The following ATP1A1 variants were observed in gnomAD, a reference collection of about 807,000 sequenced individuals.
ATP1A1 encodes sodium/potassium-transporting ATPase subunit alpha-1.
A neutral mutation model predicts 114.8 loss-of-function variants in ATP1A1; 14 were observed. That is an observed-to-expected ratio of 0.12 (90% CI 0.08 to 0.19). The LOEUF (loss-of-function observed/expected upper bound fraction) is 0.19. Among genes scored for constraint, ATP1A1 ranks in the 10% least tolerant of loss-of-function variants. ATP1A1 has a pLI of 1.00. For synonymous variants in ATP1A1, 471 were observed against 466.3 expected (o/e 1.01, Z -0.13); for missense variants, 524 against 1,290.7 (o/e 0.41, Z 9.10).
In ATP1A1 at chr1:116,392,945, C is replaced by T; in HGVS notation, c.1424C>T (p.Ala475Val). 6.2e-7 allele frequency: 1 copy of T among 1,614,016 alleles called. No homozygotes were observed. Among genetic ancestry groups the T allele is most frequent in the Non-Finnish European group, 8.5e-7 (1 of 1,180,004 alleles). The part of the protein sequence containing the change: ...GSVKEMRERY[A>V]KIVEIPFNST... ...GTGAAGGAGATGAGAGAAAGATACG[C>T]CAAAATCGTCGAGATACCCTTCAAC... is the stretch of plus-strand genomic sequence containing the variant. Residue 475 changes from alanine to valine, a missense_variant, in exon 11 of 23, where the codon GCC becomes GTC. Ala to Val is a moderately conservative substitution (Grantham distance 64, BLOSUM62 0). Transcript: ENST00000295598.
In ATP1A1 at chr1:116,385,073, T is replaced by C. The variant is rs1651996057; in HGVS notation, c.183+231T>C. The C allele has an allele frequency of 8.4e-6, 4 of 475,956 alleles. No individual in the cohort carries two copies. The South Asian group carries it at 9.8e-5, about 12-fold the overall frequency. The allele number at this position is 475,956 out of a possible 1,614,324, so 29.5% of individuals were successfully genotyped here. On this transcript the variant is annotated intron_variant, in intron 3 of 22. Coordinates refer to ENST00000295598, the MANE Select transcript of ATP1A1 (RefSeq NM_000701.8). The surrounding 1 kb of genome is among the most constrained non-coding windows in gnomAD (Gnocchi z 4.3). ...TTTCTTTTCCCTATTTTATAGCAGT[T>C]GAGAGCCAGTAAGTGGGAACACCAG...
In ATP1A1 at chr1:116,401,349, CAT is replaced by C. The variant is rs891105632; in HGVS notation, c.2849+93_2849+94del. 88 of 1,583,260 alleles carry C rather than the reference CAT, an allele frequency of 5.6e-5. No homozygotes were observed. The African/African-American group carries it at 1.1e-3, about 20-fold the overall frequency. On this transcript the variant is annotated intron_variant, in intron 20 of 22. Coordinates refer to ENST00000295598, the MANE Select transcript of ATP1A1 (RefSeq NM_000701.8). This position sits in a 1 kb window ranked among gnomAD's most constrained non-coding sequence, Gnocchi z 4.7. ...TTTGCCAAAAACTAAACATATGACA[CAT>C]ATAGCCAGGTTTCTGGAATCTCTAG...
At chr1:116,394,032 A>T (rs1652698273) in intron 12 of ATP1A1, among the ~76,000 whole-genome samples, 1 of 152,136 alleles carries the variant, frequency 6.6e-6, no homozygotes, top group Non-Finnish European at 1.5e-5. Context: ...GTGGAAGAAT[A>T]TCTTTCTTAT....
At chr1:116,373,874 G>A in intron 1 of ATP1A1, 4 of 1,274,156 alleles carry the variant, frequency 3.1e-6, no homozygotes, top group South Asian at 2.4e-5. Flanking sequence ...TGCAGCAGCG[G>A]GGGCGGCCCC....
rs529726344 is a variant in ATP1A1 at position 116,384,963 on chromosome 1, G to A, written c.183+121G>A. ...TAAGAAAATGACAGACACCATCTGC[G>A]TATCTACCATGTGACATGCACAGAA... On this transcript the variant is annotated intron_variant, in intron 3 of 22. Transcript: ENST00000295598. This position sits in a 1 kb window ranked among gnomAD's most constrained non-coding sequence, Gnocchi z 5.1. 6 of 929,870 alleles carry A rather than the reference G, an allele frequency of 6.5e-6. No individual in the cohort carries two copies. Among genetic ancestry groups the A allele is most frequent in the East Asian group, 5.1e-5 (2 of 38,898 alleles). The allele number at this position is 929,870 out of a possible 1,614,324, so 57.6% of individuals were successfully genotyped here.
Position 116,388,363 on chromosome 1 carries a change from G to A in ATP1A1, c.501+119G>A. ...TACATGACTCATCAGAGAGATGGAT[G>A]TCTTCTACCCCACCCAAAACCAACC... On this transcript the variant is annotated intron_variant, in intron 5 of 22. Transcript: ENST00000295598. The surrounding 1 kb of genome is among the most constrained non-coding windows in gnomAD (Gnocchi z 5.6). 2.0e-6 allele frequency: 2 copies of A among 1,020,490 alleles called. No individual in the cohort carries two copies. Among genetic ancestry groups the A allele is most frequent in the Non-Finnish European group, 2.9e-6 (2 of 684,662 alleles). The allele number at this position is 1,020,490 out of a possible 1,614,324, so 63.2% of individuals were successfully genotyped here.
intron 1 of ATP1A1, among the ~76,000 whole-genome samples, chr1:116,375,689 C>T (rs1220642971): frequency 6.6e-6 from 1 of 152,160 alleles, no homozygotes; most frequent in Non-Finnish European, 1.5e-5. Flanking sequence ...TGTCCTGTGA[C>T]TTATTGTGAG....
chr1:116,400,343 G>A (rs1653341093), intron 18 of ATP1A1, among the ~76,000 whole-genome samples: 1 of 152,200 alleles, frequency 6.6e-6, no homozygotes, highest in Non-Finnish European at 1.5e-5. Context: ...GGTCTCTGGT[G>A]GTTTAGGATG....
Position 116,401,407 on chromosome 1 carries a change from G to A in ATP1A1, c.2849+147G>A, listed in dbSNP as rs1653468030. On this transcript the variant is annotated intron_variant, in intron 20 of 22. Coordinates refer to ENST00000295598, the MANE Select transcript of ATP1A1 (RefSeq NM_000701.8). This position sits in a 1 kb window ranked among gnomAD's most constrained non-coding sequence, Gnocchi z 4.7. Reference sequence around the variant, plus strand: ...AGAGCAAATTTAGGAAGCAAGAAATGTAGCTTTCTAGTTTTTTCATCTGAC... The same window carrying A: ...AGAGCAAATTTAGGAAGCAAGAAATATAGCTTTCTAGTTTTTTCATCTGAC... 2 of 1,474,756 alleles carry A rather than the reference G, an allele frequency of 1.4e-6. No homozygotes were observed. The highest frequency in any genetic ancestry group is 2.3e-5 in the East Asian group (1 of 43,988). 91.4% of individuals were successfully genotyped at this position (1,474,756 alleles called of 1,614,324 possible).
intron 1 of ATP1A1, among the ~76,000 whole-genome samples, chr1:116,382,219 G>C (rs1170593866): frequency 6.6e-6 from 1 of 152,156 alleles, no homozygotes; most frequent in East Asian, 1.9e-4. Context: ...ATCTTTTAGA[G>C]ATCCTTAGTC....
In ATP1A1 at chr1:116,403,916, C is replaced by G. The variant is rs1272955218; in HGVS notation, c.2984C>G (p.Ser995Cys). Residue 995 changes from serine (S) to cysteine (C), a missense_variant, in exon 22 of 23, where the codon TCT becomes TGT. Ser to Cys is a moderately radical substitution (Grantham distance 112, BLOSUM62 -1). This residue lies in a region of ATP1A1 where 84 missense variants were observed against 209.3 expected (regional missense o/e 0.40). Coordinates refer to ENST00000295598, the MANE Select transcript of ATP1A1 (RefSeq NM_000701.8). Reference protein sequence around the residue: ...PTWWFCAFPYSLLIFVYDEVR... With the variant: ...PTWWFCAFPYCLLIFVYDEVR... ...TGGTGGTTCTGTGCCTTCCCCTACTCTCTTCTCATCTTCGTATATGACGAA... is the reference window on the plus strand; with the variant it reads ...TGGTGGTTCTGTGCCTTCCCCTACTGTCTTCTCATCTTCGTATATGACGAA... 3 of 1,614,128 alleles carry G rather than the reference C, an allele frequency of 1.9e-6. No homozygotes were observed. Among genetic ancestry groups the G allele is most frequent in the African/African-American group, 2.7e-5 (2 of 74,956 alleles).
chr1:116,402,622 CT>C (rs1185936226), intron 21 of ATP1A1, among the ~76,000 whole-genome samples: 1 of 149,144 alleles, frequency 6.7e-6, no homozygotes, highest in Non-Finnish European at 1.5e-5. Flanking sequence ...TTATAGCTTT[CT>C]CTTGTACCCC....
In ATP1A1 at chr1:116,390,835, G is replaced by A. The variant is rs1652410721; in HGVS notation, c.1276G>A (p.Gly426Ser). ...ATWLALSRIA[G>S]LCNRAVFQAN... ...CTGGCTTGCTCTGTCCAGAATTGCA[G>A]GTCTTTGTAACAGGGCAGTGTTTCA... is the stretch of plus-strand genomic sequence containing the variant. The change falls in exon 10 of 23, where the codon GGT becomes AGT. Residue 426 changes from glycine (G) to serine (S), a missense_variant. This residue lies in a region of ATP1A1 where 143 missense variants were observed against 259.3 expected (regional missense o/e 0.55). Transcript: ENST00000295598. The A allele has an allele frequency of 6.2e-7, 1 of 1,614,230 alleles. No homozygotes were observed. The highest frequency in any genetic ancestry group is 2.2e-5 in the East Asian group (1 of 44,890).
In ATP1A1 at chr1:116,375,634, T is replaced by C. The variant is rs143460895; in HGVS notation, c.12+2111T>C. ...GTAGTTAGCATTTTGAGTATTCTGA[T>C]ACATTAAACATTAGTTTACTTGTGT... On this transcript the variant is annotated intron_variant, in intron 1 of 22. Coordinates refer to ENST00000295598, the MANE Select transcript of ATP1A1 (RefSeq NM_000701.8). Among the ~76,000 whole-genome samples the C allele has an allele frequency of 6.8e-4, 104 of 152,358 alleles. 1 individual carries two copies. The highest frequency in any genetic ancestry group is 2.3e-3 in the African/African-American group (96 of 41,592).
In ATP1A1 at chr1:116,385,235, T is replaced by A. The variant is rs982103829; in HGVS notation, c.183+393T>A. ...CTTCAACAATTCCCATTTTTGCACTTTTCCCAGCTAGCCCATTGCAGTGTG... is the reference window on the plus strand; with the variant it reads ...CTTCAACAATTCCCATTTTTGCACTATTCCCAGCTAGCCCATTGCAGTGTG... On this transcript the variant is annotated intron_variant, in intron 3 of 22. Coordinates refer to ENST00000295598, the MANE Select transcript of ATP1A1 (RefSeq NM_000701.8). This position sits in a 1 kb window ranked among gnomAD's most constrained non-coding sequence, Gnocchi z 4.3. 3 of 236,970 alleles carry A rather than the reference T, an allele frequency of 1.3e-5. No homozygotes were observed. Among genetic ancestry groups the A allele is most frequent in the Non-Finnish European group, 2.5e-5 (3 of 122,108 alleles). The allele number at this position is 236,970 out of a possible 1,614,324, so 14.7% of individuals were successfully genotyped here. A position where few individuals can be genotyped will look rare whatever the true frequency, so the allele number is the denominator to read the frequency against.
rs1651103875 is a variant in ATP1A1 at position 116,373,294 on chromosome 1, A to T, written c.-218A>T. The T allele has an allele frequency of 2.5e-6, 1 of 399,810 alleles. No homozygotes were observed. The highest frequency in any genetic ancestry group is 4.7e-5 in the Admixed American group (1 of 21,452). The allele number at this position is 399,810 out of a possible 1,614,324, so 24.8% of individuals were successfully genotyped here. A position where few individuals can be genotyped will look rare whatever the true frequency, so the allele number is the denominator to read the frequency against. ...AGAGCAGCGGCGGGAGGAGGCGGAC[A>T]CGTGGCAACAGCGGTAGCAGCCCGG... On this transcript the variant is annotated 5_prime_UTR_variant, in exon 1 of 23. Transcript: ENST00000295598.
rs532477416 is a variant in ATP1A1, at chr1:116,393,919, C to T, written c.1660+196C>T. ...CAATAAGTGCTGAAGAAATGTTCAG[C>T]GTATTGGGCTGTGAGAAACAACGTC... On this transcript the variant is annotated intron_variant, in intron 12 of 22. Coordinates refer to ENST00000295598, the MANE Select transcript of ATP1A1 (RefSeq NM_000701.8). This position sits in a 1 kb window ranked among gnomAD's most constrained non-coding sequence, Gnocchi z 5.0. Among the ~76,000 whole-genome samples the T allele has an allele frequency of 2.0e-5, 3 of 152,066 alleles. No individual in the cohort carries two copies. The highest frequency in any genetic ancestry group is 2.1e-4 in the South Asian group (1 of 4,812).
rs766684440 is a variant in ATP1A1 at position 116,384,750 on chromosome 1, TTAAC to T, written c.124-30_124-27del. The T allele has an allele frequency of 1.3e-5, 20 of 1,563,792 alleles. No individual in the cohort carries two copies. Among genetic ancestry groups the T allele is most frequent in the Admixed American group, 1.3e-4 (7 of 55,264 alleles). On this transcript the variant is annotated intron_variant, in intron 2 of 22. Transcript: ENST00000295598. The surrounding 1 kb of genome is among the most constrained non-coding windows in gnomAD (Gnocchi z 5.1). ...CTGTCATTTTTTTATACTACACTGTTTAACTATTTTCTTTGTTTCTGTTTTCCCT... is the reference window on the plus strand; with the variant it reads ...CTGTCATTTTTTTATACTACACTGTTTATTTTCTTTGTTTCTGTTTTCCCT...
chr1:116,389,683 G>C lies in ATP1A1; in HGVS notation c.999G>C (p.Pro333=). 1 of 1,614,128 alleles carries C rather than the reference G, an allele frequency of 6.2e-7. No homozygotes were observed. Among genetic ancestry groups the C allele is most frequent in the Non-Finnish European group, 8.5e-7 (1 of 1,180,024 alleles). ...FLIGIIVANV[P]EGLLATVTVC... Reference sequence around the variant, plus strand: ...TCGGTATCATCGTAGCCAATGTGCCGGAAGGTTTGCTGGCCACTGTCACGG... The same window carrying C: ...TCGGTATCATCGTAGCCAATGTGCCCGAAGGTTTGCTGGCCACTGTCACGG... The change falls in exon 8 of 23, where the codon CCG becomes CCC. Residue 333 remains proline, a synonymous_variant. Coordinates refer to ENST00000295598, the MANE Select transcript of ATP1A1 (RefSeq NM_000701.8). This position sits in a 1 kb window ranked among gnomAD's most constrained non-coding sequence, Gnocchi z 6.9.
Sources: gnomAD v4.1 joint callset for allele counts (sites outside exome capture counted in the v4.1 genomes callset) on GRCh38, gnomAD v4.1.1 for gene constraint, gnomAD v4.1.1 regional missense constraint, Gnocchi (gnomAD v3.1) non-coding constraint, MANE v1.5 for transcripts, NCBI Gene and HGNC (gene_info 2026-07-23, HGNC 2026-07-21) for gene names.